The following ELMO1 variants were observed in gnomAD, a reference collection of about 807,000 sequenced individuals.
ELMO1 encodes the protein engulfment and cell motility 1, also known as engulfment and cell motility protein 1.
Under a neutral mutation model 98.9 loss-of-function variants are expected in ELMO1, and 26 were observed. That is an observed-to-expected ratio of 0.26 (90% CI 0.19 to 0.36). ELMO1 has a LOEUF of 0.36. ELMO1 is among the 10% of genes least tolerant of loss of function. The pLI is 1.00. For synonymous variants in ELMO1, 346 were observed against 346.0 expected (o/e 1.00, Z 0.00); for missense variants, 627 against 935.2 (o/e 0.67, Z 4.30).
chr7:37,420,526 TGACACTTTCCACAAGCACA>T (rs1198212499), intron 1 of ELMO1, among the ~76,000 whole-genome samples: 139 of 152,316 alleles, frequency 9.1e-4, no homozygotes, highest in African/African-American at 3.2e-3. Context: ...GATAAACCAG[TGACACTTTCCACAAGCACA>T]GAGCTAAACT....
At chr7:37,112,743 A>T (rs1184380599) in intron 14 of ELMO1, among the ~76,000 whole-genome samples, 1 of 152,206 alleles carries the variant, frequency 6.6e-6, no homozygotes, top group Non-Finnish European at 1.5e-5. Context: ...TTACCAGTGC[A>T]GGGAAAAAGT....
At chr7:37,242,104 T>C (rs778670973) in intron 7 of ELMO1, among the ~76,000 whole-genome samples, 7 of 152,174 alleles carry the variant, frequency 4.6e-5, no homozygotes, top group Non-Finnish European at 7.4e-5. Flanking sequence ...CTTTTGGGAC[T>C]CCAATTAAAT....
chr7:37,111,795 A>G (rs1785264637), intron 14 of ELMO1, among the ~76,000 whole-genome samples: 1 of 152,228 alleles, frequency 6.6e-6, no homozygotes, highest in South Asian at 2.1e-4. Context: ...TACCATATGC[A>G]GAGTAGAGCC....
intron 16 of ELMO1, among the ~76,000 whole-genome samples, chr7:36,974,340 GGAGAACCTTTA>G (rs1399230029): frequency 2.6e-5 from 4 of 152,332 alleles, no homozygotes; most frequent in Non-Finnish European, 5.9e-5. Flanking sequence ...GTGGGGATGT[GGAGAACCTTTA>G]TGTCTAGCTC....
At chr7:37,430,895 T>C (rs1331828162) in intron 1 of ELMO1, among the ~76,000 whole-genome samples, 1 of 152,226 alleles carries the variant, frequency 6.6e-6, no homozygotes. Context: ...CATGGATCTG[T>C]GTAGGTCTGG....
At chr7:37,121,575 A>C (rs1786042855) in intron 14 of ELMO1, among the ~76,000 whole-genome samples, 1 of 152,114 alleles carries the variant, frequency 6.6e-6, no homozygotes, top group African/African-American at 2.4e-5. Flanking sequence ...AGTTTAGAGA[A>C]AAAAAGAATA....
At chr7:37,400,781 C>T (rs1373394195) in intron 1 of ELMO1, among the ~76,000 whole-genome samples, 1 of 152,164 alleles carries the variant, frequency 6.6e-6, no homozygotes, top group Non-Finnish European at 1.5e-5. Context: ...ATCAACTTGA[C>T]AAGGAAGAGC....
intron 1 of ELMO1, among the ~76,000 whole-genome samples, chr7:37,398,214 C>G (rs1803377314): frequency 6.6e-6 from 1 of 152,128 alleles, no homozygotes; most frequent in Non-Finnish European, 1.5e-5. Flanking sequence ...TTCATTATGA[C>G]TGTTGTGAGA....
rs183694571 is a variant in ELMO1 at position 36,960,337 on chromosome 7, C to G, written c.1437+52962G>C. 1.1e-4 allele frequency among the ~76,000 whole-genome samples: 17 copies of G among 152,348 alleles called. No homozygotes were observed. In the East Asian group the frequency reaches 2.9e-3, roughly 26 times the overall value. ...CTCTAAGACTAGCTCTCTGAGACCA[C>G]TCACAGGCCTCTCCTTGTTCACTGC... On this transcript the variant is annotated intron_variant, in intron 16 of 21. Coordinates refer to ENST00000310758, the MANE Select transcript of ELMO1 (RefSeq NM_014800.11).
intron 14 of ELMO1, among the ~76,000 whole-genome samples, chr7:37,097,429 A>G (rs1489731864): frequency 6.6e-6 from 1 of 152,122 alleles, no homozygotes. Flanking sequence ...AAAAATAAAA[A>G]CAAAATTATC....
chr7:36,890,051 G>T (rs898917314), intron 17 of ELMO1, among the ~76,000 whole-genome samples: 3 of 152,184 alleles, frequency 2.0e-5, no homozygotes, highest in Non-Finnish European at 4.4e-5. Context: ...GCCGATATCT[G>T]CCCTCTGGGG....
intron 18 of ELMO1, among the ~76,000 whole-genome samples, chr7:36,885,033 T>C (rs1295031155): frequency 2.6e-5 from 4 of 152,164 alleles, no homozygotes; most frequent in Non-Finnish European, 5.9e-5. Context: ...TAAATCTAAA[T>C]GGAATGTTTT....
chr7:37,038,496 C>G (rs1795317930), intron 15 of ELMO1, among the ~76,000 whole-genome samples: 1 of 152,148 alleles, frequency 6.6e-6, no homozygotes, highest in African/African-American at 2.4e-5. Context: ...TATTTTGGGA[C>G]AGATTTTTTG....
intron 1 of ELMO1, among the ~76,000 whole-genome samples, chr7:37,370,369 G>C (rs547952338): frequency 1.1e-3 from 165 of 152,062 alleles, no homozygotes; most frequent in African/African-American, 3.8e-3. Flanking sequence ...GTTCCTTCTT[G>C]AGTTTTCATA....
intron 2 of ELMO1, among the ~76,000 whole-genome samples, chr7:37,332,179 A>G (rs1800164877): frequency 6.6e-6 from 1 of 152,244 alleles, no homozygotes; most frequent in African/African-American, 2.4e-5. Flanking sequence ...CTTTGATGGA[A>G]AGACACACAA....
intron 16 of ELMO1, among the ~76,000 whole-genome samples, chr7:36,978,121 CTT>C (rs372245764): frequency 1.1e-4 from 16 of 152,264 alleles, no homozygotes; most frequent in African/African-American, 3.9e-4. Context: ...AACTTTGTCT[CTT>C]GTTAACAGTG....
intron 1 of ELMO1, among the ~76,000 whole-genome samples, chr7:37,431,876 G>A (rs113747763): frequency 0.01 from 1,539 of 152,094 alleles, 16 homozygotes; most frequent in African/African-American, 0.035. Context: ...TTGTTTGTTT[G>A]TTTGTTTGTT....
At chr7:37,391,913 A>AC (rs1276494900) in intron 1 of ELMO1, among the ~76,000 whole-genome samples, 2 of 152,064 alleles carry the variant, frequency 1.3e-5, no homozygotes, top group African/African-American at 4.8e-5. Context: ...AAGTGTGTGT[A>AC]CCCCCCTAAG....
At chr7:37,376,184 G>A (rs1802337223) in intron 1 of ELMO1, among the ~76,000 whole-genome samples, 1 of 152,198 alleles carries the variant, frequency 6.6e-6, no homozygotes, top group South Asian at 2.1e-4. Flanking sequence ...TTTGATCACA[G>A]ACCTGACCTA....
Sources: gnomAD v4.1 joint callset for allele counts (sites outside exome capture counted in the v4.1 genomes callset) on GRCh38, gnomAD v4.1.1 for gene constraint, MANE v1.5 for transcripts, NCBI Gene and HGNC (gene_info 2026-07-23, HGNC 2026-07-21) for gene names.